The following SLIT3 variants were observed in gnomAD, a reference collection of about 807,000 sequenced individuals.
SLIT3 encodes slit guidance ligand 3.
A neutral mutation model predicts 184.0 loss-of-function variants in SLIT3; 68 were observed. The observed-to-expected ratio is 0.37, with a 90% confidence interval of 0.30 to 0.45. The LOEUF (loss-of-function observed/expected upper bound fraction) is 0.45. Ranked by LOEUF, SLIT3 falls within the 20% of genes least tolerant of loss-of-function variation. SLIT3 has a pLI of 1.00. For synonymous variants in SLIT3, 831 were observed against 828.6 expected (o/e 1.00, Z -0.05); for missense variants, 1,707 against 2,026.0 (o/e 0.84, Z 3.02).
intron 5 of SLIT3, among the ~76,000 whole-genome samples, chr5:168,848,418 G>A (rs1213953700): frequency 1.3e-5 from 2 of 152,222 alleles, no homozygotes; most frequent in African/African-American, 4.8e-5. Flanking sequence ...GGTCCAGGAT[G>A]AAGATGGGGA....
intron 4 of SLIT3, among the ~76,000 whole-genome samples, chr5:169,075,670 T>C (rs890296122): frequency 6.6e-6 from 1 of 152,244 alleles, no homozygotes; most frequent in African/African-American, 2.4e-5. Context: ...TGGCTTCTTA[T>C]ATGCAGATAG....
rs981178115 is a variant in SLIT3, at chr5:169,202,727, A to T, written c.342-9177T>A. On this transcript the variant is annotated intron_variant, in intron 3 of 35. Coordinates refer to ENST00000519560, the MANE Select transcript of SLIT3 (RefSeq NM_003062.4). Reference sequence around the variant, plus strand: ...AGAGAACTCTGGGAGCTTGGTCAGGATCACATCCTACTGAGATCCAGCTCA... The same window carrying T: ...AGAGAACTCTGGGAGCTTGGTCAGGTTCACATCCTACTGAGATCCAGCTCA... Among the ~76,000 whole-genome samples, 5 of 152,120 alleles carry T rather than the reference A, an allele frequency of 3.3e-5. No individual in the cohort carries two copies. The East Asian group carries it at 9.7e-4, about 29-fold the overall frequency.
chr5:168,866,267 C>T (rs1279545037), intron 5 of SLIT3, among the ~76,000 whole-genome samples: 1 of 152,314 alleles, frequency 6.6e-6, no homozygotes, highest in South Asian at 2.1e-4. Flanking sequence ...CAAAGAGAAC[C>T]AGAGGTCCTT....
intron 4 of SLIT3, among the ~76,000 whole-genome samples, chr5:169,106,789 G>A: frequency 6.6e-6 from 1 of 152,090 alleles, no homozygotes; most frequent in East Asian, 1.9e-4. Context: ...CAAAGCAGTG[G>A]GCCAAATATC....
In SLIT3 at chr5:168,662,791, A is replaced by C. The variant is rs573634965; in HGVS notation, c.*3663T>G. 6.6e-6 allele frequency: 1 copy of C among 152,198 alleles called. No homozygotes were observed. Among genetic ancestry groups the C allele is most frequent in the East Asian group, 1.9e-4 (1 of 5,188 alleles). 9.4% of individuals were successfully genotyped at this position (152,198 alleles called of 1,614,324 possible). On this transcript the variant is annotated 3_prime_UTR_variant, in exon 36 of 36. Coordinates refer to ENST00000519560, the MANE Select transcript of SLIT3 (RefSeq NM_003062.4). ...ACAGCTTGAGCGGCCTCTTCTGCCCACGTACATTGCCACACAAACACTGAA... is the reference window on the plus strand; with the variant it reads ...ACAGCTTGAGCGGCCTCTTCTGCCCCCGTACATTGCCACACAAACACTGAA...
chr5:169,222,332 A>C (rs888596272), intron 3 of SLIT3, among the ~76,000 whole-genome samples: 4 of 152,196 alleles, frequency 2.6e-5, no homozygotes, highest in African/African-American at 9.6e-5. Context: ...CCATGAAAAT[A>C]CTATGCTGGC....
Position 169,104,122 on chromosome 5 carries a change from C to G in SLIT3, c.413+89357G>C, listed in dbSNP as rs532979346. Among the ~76,000 whole-genome samples the G allele has an allele frequency of 5.3e-5, 8 of 152,284 alleles. No homozygotes were observed. The East Asian group carries it at 1.5e-3, about 29-fold the overall frequency. On this transcript the variant is annotated intron_variant, in intron 4 of 35. Transcript: ENST00000519560. The stretch of plus-strand genomic sequence containing the variant: ...TTAATTCTCCTATTTTTCTTCTTAC[C>G]TCTCCTTCTCTGGGCTCCACCCCTC...
chr5:169,044,587 T>TGGGGGGGGGGAGGAGGG (rs1757561470), intron 4 of SLIT3, among the ~76,000 whole-genome samples: 1 of 70,640 alleles, frequency 1.4e-5, no homozygotes, highest in Non-Finnish European at 3.6e-5. Flanking sequence ...TGGAGGAAGG[T>TGGGGGGGGGGAGGAGGG]GGGGGGGGGG....
chr5:169,265,045 T>C (rs1766343671), intron 1 of SLIT3, among the ~76,000 whole-genome samples: 1 of 152,128 alleles, frequency 6.6e-6, no homozygotes. Context: ...TTGGATGTGG[T>C]CATGGTGAGG....
At chr5:168,895,782 T>C (rs532587932) in intron 4 of SLIT3, among the ~76,000 whole-genome samples, 7 of 152,340 alleles carry the variant, frequency 4.6e-5, no homozygotes, top group Admixed American at 4.6e-4. Context: ...TTCTCTTGCT[T>C]ATTTATGTAA....
At chr5:168,700,364 A>C (rs932555534) in intron 27 of SLIT3, among the ~76,000 whole-genome samples, 1 of 152,182 alleles carries the variant, frequency 6.6e-6, no homozygotes, top group African/African-American at 2.4e-5. Context: ...CGGTTTTATA[A>C]ATGGGAGTTC....
intron 12 of SLIT3, among the ~76,000 whole-genome samples, chr5:168,775,734 C>T (rs1438397834): frequency 6.6e-6 from 1 of 152,140 alleles, no homozygotes; most frequent in Non-Finnish European, 1.5e-5. Context: ...AAGGCGGCAC[C>T]CATCCCTCAC....
At chr5:168,844,305 C>T (rs984465260) in intron 6 of SLIT3, among the ~76,000 whole-genome samples, 1 of 152,114 alleles carries the variant, frequency 6.6e-6, no homozygotes, top group African/African-American at 2.4e-5. Flanking sequence ...TGCAGGAGCA[C>T]TGGGGGAAAA....
At chr5:169,231,966 C>T (rs1180579483) in intron 3 of SLIT3, among the ~76,000 whole-genome samples, 2 of 152,086 alleles carry the variant, frequency 1.3e-5, no homozygotes, top group African/African-American at 4.8e-5. Flanking sequence ...TCTTCTTTTG[C>T]GAAGTGTCCA....
At chr5:169,011,269 C>G (rs1341834413) in intron 4 of SLIT3, among the ~76,000 whole-genome samples, 1 of 152,054 alleles carries the variant, frequency 6.6e-6, no homozygotes, top group East Asian at 1.9e-4. Context: ...TTGGCGTGTC[C>G]GACTCCACAT....
intron 4 of SLIT3, among the ~76,000 whole-genome samples, chr5:168,971,102 A>G (rs1032693006): frequency 6.6e-6 from 1 of 152,210 alleles, no homozygotes; most frequent in Non-Finnish European, 1.5e-5. Flanking sequence ...TGTGGAGTGT[A>G]TGTGTGTGGA....
chr5:168,795,331 C>T (rs1231267643), intron 10 of SLIT3, among the ~76,000 whole-genome samples, 176 bp downstream of exon 10: 1 of 152,222 alleles, frequency 6.6e-6, no homozygotes, highest in African/African-American at 2.4e-5. Flanking sequence ...TCACAATCTT[C>T]AGGCAACACT....
chr5:169,040,658 T>C (rs776674555), intron 4 of SLIT3, among the ~76,000 whole-genome samples: 1 of 152,180 alleles, frequency 6.6e-6, no homozygotes, highest in Non-Finnish European at 1.5e-5. Context: ...CAATTACTCC[T>C]CCATTCCCCT....
intron 4 of SLIT3, chr5:169,023,605 CT>C (rs60134648): frequency 5.3e-4 from 80 of 149,592 alleles, no homozygotes; most frequent in African/African-American, 1.0e-3. Flanking sequence ...ACCCTCTGTT[CT>C]TTTTTTTTTC....
Sources: gnomAD v4.1 joint callset for allele counts (sites outside exome capture counted in the v4.1 genomes callset) on GRCh38, gnomAD v4.1.1 for gene constraint, MANE v1.5 for transcripts, NCBI Gene and HGNC (gene_info 2026-07-23, HGNC 2026-07-21) for gene names.